ATP2A2: variants seen among roughly 807,000 people sequenced by gnomAD.
ATP2A2 encodes the protein sarcoplasmic/endoplasmic reticulum calcium ATPase 2.
ATP2A2 carries 14 observed loss-of-function variants against 109.3 expected under a neutral mutation model. The ratio of observed to expected loss-of-function variants is 0.13; its 90% CI spans 0.08 to 0.20. The LOEUF is 0.20. Ranked by LOEUF, ATP2A2 falls within the 10% of genes least tolerant of loss-of-function variation. The probability of loss-of-function intolerance (pLI) is 1.00; values close to 1 mark genes in which losing one functional copy is unlikely to be tolerated. For synonymous variants in ATP2A2, 506 were observed against 490.9 expected (o/e 1.03, Z -0.41); for missense variants, 657 against 1,321.6 (o/e 0.50, Z 7.80).
chr12:110,289,206 C>T (rs939893103), intron 3 of ATP2A2, among the ~76,000 whole-genome samples: 1 of 152,186 alleles, frequency 6.6e-6, no homozygotes, highest in Admixed American at 6.5e-5. Flanking sequence ...TGAAGCTTAT[C>T]TTACAGTTGC....
In ATP2A2 at chr12:110,339,740, T is replaced by C; in HGVS notation, c.1761+19T>C. On this transcript the variant is annotated intron_variant, in intron 13 of 19. Coordinates refer to ENST00000539276, the MANE Select transcript of ATP2A2 (RefSeq NM_170665.4). This position sits in a 1 kb window ranked among gnomAD's most constrained non-coding sequence, Gnocchi z 4.4. ...ATATGAGGTTAGCTAATGAAAAGTT[T>C]CTTTGTCCACACCCTGCACGATTCA... 6.2e-7 allele frequency: 1 copy of C among 1,610,190 alleles called. No individual in the cohort carries two copies. The highest frequency in any genetic ancestry group is 8.5e-7 in the Non-Finnish European group (1 of 1,177,034).
At chr12:110,291,956 C>T (rs1873362723) in intron 3 of ATP2A2, 64 bp from the exon 4 acceptor site, 1 of 1,449,950 alleles carries the variant, frequency 6.9e-7, no homozygotes, top group Non-Finnish European at 9.7e-7. Context: ...CAGTGCTAGC[C>T]ACTTTTTAAA....
At chr12:110,291,857 A>G (rs1873348337) in intron 3 of ATP2A2, among the ~76,000 whole-genome samples, 163 bp from the exon 4 acceptor site, 1 of 152,050 alleles carries the variant, frequency 6.6e-6, no homozygotes, top group Non-Finnish European at 1.5e-5. Flanking sequence ...CATGTTGGGC[A>G]GGTTGGTCTG....
intron 10 of ATP2A2, 71 bp from the exon 11 acceptor site, chr12:110,333,941 A>C (rs1333443188): frequency 2.5e-6 from 4 of 1,599,348 alleles, no homozygotes; most frequent in Non-Finnish European, 3.4e-6. Flanking sequence ...TTGTGGAAAA[A>C]AAATATTAAA....
chr12:110,288,266 TAA>T (rs200216134), intron 3 of ATP2A2, among the ~76,000 whole-genome samples: 1 of 151,434 alleles, frequency 6.6e-6, no homozygotes, highest in South Asian at 2.1e-4. Flanking sequence ...CCCAACTAAT[TAA>T]AAAAAAATTT....
At chr12:110,331,614 G>A (rs546269512) in intron 8 of ATP2A2, 13 of 152,216 alleles carry the variant, frequency 8.5e-5, no homozygotes, top group African/African-American at 3.1e-4. Flanking sequence ...GGGATTATAG[G>A]CGTGAGCCAC....
chr12:110,334,569 T>A (rs1280204275), intron 11 of ATP2A2, among the ~76,000 whole-genome samples: 1 of 151,688 alleles, frequency 6.6e-6, no homozygotes, highest in African/African-American at 2.4e-5. Flanking sequence ...ACACTTTCTT[T>A]TCCTGTTCAA....
At chr12:110,337,413 C>A (rs1312491374) in intron 11 of ATP2A2, among the ~76,000 whole-genome samples, 1 of 152,218 alleles carries the variant, frequency 6.6e-6, no homozygotes, top group Non-Finnish European at 1.5e-5. Context: ...AGAATCATTG[C>A]GTGTTCCTTT....
rs148307651 is a variant in ATP2A2, at chr12:110,344,890, C to T, written c.2526C>T (p.Tyr842=). The T allele has an allele frequency of 2.0e-5, 33 of 1,614,132 alleles. No individual in the cohort carries two copies. Among genetic ancestry groups the T allele is most frequent in the Middle Eastern group, 3.3e-4 (2 of 6,062 alleles). The change falls in exon 17 of 20, where the codon TAC becomes TAT. Residue 842 remains tyrosine, a synonymous_variant. Transcript: ENST00000539276. ...LFFRYLAIGC[Y]VGAATVGAAA... Reference sequence around the variant, plus strand: ...CATCACTGTGTTTGTTCCCAGGTTACGTCGGCGCTGCTACCGTGGGTGCTG... The same window carrying T: ...CATCACTGTGTTTGTTCCCAGGTTATGTCGGCGCTGCTACCGTGGGTGCTG...
At chr12:110,299,368 G>A (rs1317053171) in intron 5 of ATP2A2, among the ~76,000 whole-genome samples, 1 of 152,098 alleles carries the variant, frequency 6.6e-6, no homozygotes, top group Non-Finnish European at 1.5e-5. Context: ...ATATAGGGAG[G>A]CTATTTTAGT....
At chr12:110,302,482 CT>C (rs1163714157) in intron 5 of ATP2A2, among the ~76,000 whole-genome samples, 2 of 152,028 alleles carry the variant, frequency 1.3e-5, no homozygotes, top group Non-Finnish European at 2.9e-5. Flanking sequence ...TTATTTACCA[CT>C]TTTTTTCCCC....
intron 5 of ATP2A2, among the ~76,000 whole-genome samples, chr12:110,310,152 CTTTTTTT>C (rs113324660): frequency 1.4e-5 from 2 of 144,192 alleles, no homozygotes; most frequent in Non-Finnish European, 3.1e-5. Context: ...TTTCTTTTTC[CTTTTTTT>C]TTTTTAAAGT....
intron 1 of ATP2A2, among the ~76,000 whole-genome samples, chr12:110,282,351 G>A (rs758075012): frequency 1.3e-5 from 2 of 152,180 alleles, no homozygotes; most frequent in Non-Finnish European, 2.9e-5. Flanking sequence ...TCAGGAGCCC[G>A]AAGTGATTTC....
chr12:110,315,434 A>G (rs944975243), intron 5 of ATP2A2, among the ~76,000 whole-genome samples: 34 of 152,216 alleles, frequency 2.2e-4, no homozygotes, highest in Middle Eastern at 3.4e-3. Flanking sequence ...ATGAGCTAAA[A>G]TATATTTTGT....
At chr12:110,304,619 T>C (rs1226831027) in intron 5 of ATP2A2, among the ~76,000 whole-genome samples, 1 of 152,242 alleles carries the variant, frequency 6.6e-6, no homozygotes, top group East Asian at 1.9e-4. Flanking sequence ...TATTTGTCTT[T>C]TTAATGTTGA....
At chr12:110,334,972 G>T (rs1329616030) in intron 11 of ATP2A2, among the ~76,000 whole-genome samples, 1 of 152,166 alleles carries the variant, frequency 6.6e-6, no homozygotes, top group African/African-American at 2.4e-5. Flanking sequence ...CAGTGGCAGT[G>T]GCAGTGGCAG....
chr12:110,311,399 C>A (rs1160163199), intron 5 of ATP2A2, among the ~76,000 whole-genome samples: 2 of 151,454 alleles, frequency 1.3e-5, no homozygotes, highest in Non-Finnish European at 2.9e-5. Flanking sequence ...ACCAGCCTGG[C>A]CAAGATGGTG....
chr12:110,296,556 T>C lies in ATP2A2; in HGVS notation c.325-43T>C, dbSNP rs1388913737. Reference sequence around the variant, plus strand: ...TTCCTTGGGTTAGAAATAATTGCAGTGTCAGGCAGGTCTTTACTACTCTTC... The same window carrying C: ...TTCCTTGGGTTAGAAATAATTGCAGCGTCAGGCAGGTCTTTACTACTCTTC... On this transcript the variant is annotated intron_variant, in intron 4 of 19. Transcript: ENST00000539276. 3.7e-6 allele frequency: 6 copies of C among 1,612,962 alleles called. No individual in the cohort carries two copies. The East Asian group carries it at 1.1e-4, about 30-fold the overall frequency.
intron 18 of ATP2A2, chr12:110,345,782 A>G (rs973146077): frequency 4.7e-6 from 3 of 638,288 alleles, no homozygotes; most frequent in Non-Finnish European, 5.6e-6. Flanking sequence ...ACCCACTAAG[A>G]TGGGGTCTGC....
Sources: gnomAD v4.1 joint callset for allele counts (sites outside exome capture counted in the v4.1 genomes callset) on GRCh38, gnomAD v4.1.1 for gene constraint, Gnocchi (gnomAD v3.1) non-coding constraint, MANE v1.5 for transcripts, NCBI Gene and HGNC (gene_info 2026-07-23, HGNC 2026-07-21) for gene names.